The following ALPK1 variants were observed in gnomAD, a reference collection of about 807,000 sequenced individuals.
ALPK1 encodes alpha-protein kinase 1.
Under a neutral mutation model 120.6 loss-of-function variants are expected in ALPK1, and 110 were observed. The ratio of observed to expected loss-of-function variants is 0.91; its 90% CI spans 0.78 to 1.07. The LOEUF is 1.07. Ranked by LOEUF, ALPK1 falls within the 50% of genes least tolerant of loss-of-function variation. The probability of loss-of-function intolerance (pLI) is 0.00; values close to 1 mark genes in which losing one functional copy is unlikely to be tolerated. For synonymous variants in ALPK1, 582 were observed against 560.3 expected, an observed-to-expected ratio of 1.04 and a Z score of -0.55; for missense variants, 1,498 against 1,483.9, an observed-to-expected ratio of 1.01 and a Z score of -0.16.
intron 5 of ALPK1, among the ~76,000 whole-genome samples, chr4:112,421,295 A>C (rs1733980568): frequency 6.6e-6 from 1 of 152,172 alleles, no homozygotes; most frequent in Admixed American, 6.5e-5. Flanking sequence ...AATTAGAAAA[A>C]AAATGCCTAC....
chr4:112,437,119 C>T (rs1734819127), intron 12 of ALPK1, among the ~76,000 whole-genome samples: 1 of 152,034 alleles, frequency 6.6e-6, no homozygotes, highest in Admixed American at 6.6e-5. Flanking sequence ...ACTCCAAACA[C>T]TAAGGACAAA....
chr4:112,426,744 A>G (rs1048099626), intron 8 of ALPK1, among the ~76,000 whole-genome samples: 3 of 152,178 alleles, frequency 2.0e-5, no homozygotes, highest in Non-Finnish European at 4.4e-5. Context: ...CTCTTGGTGC[A>G]TAGATGGTGT....
chr4:112,324,341 G>GA (rs777084589), intron 2 of ALPK1, among the ~76,000 whole-genome samples: 28 of 144,150 alleles, frequency 1.9e-4, no homozygotes, highest in African/African-American at 4.8e-4. Flanking sequence ...AAAAAAAAAA[G>GA]AAAAAAAAAA....
intron 1 of ALPK1, among the ~76,000 whole-genome samples, chr4:112,305,345 T>C (rs1727993151): frequency 2.0e-5 from 3 of 151,212 alleles, no homozygotes; most frequent in Admixed American, 2.0e-4. Context: ...TTGGGCAGTA[T>C]GGCCATTTTC....
rs528411749 is a variant in ALPK1 at position 112,378,854 on chromosome 4, T to G, written c.121+956T>G. ...ACAAGGGCACTATGGAAGTCTTAAT[T>G]ATTTGTAACCTGTCATTTGTCCTCC... On this transcript the variant is annotated intron_variant, in intron 3 of 15. Coordinates refer to ENST00000650871, the MANE Select transcript of ALPK1 (RefSeq NM_025144.4). 2.6e-5 allele frequency among the ~76,000 whole-genome samples: 4 copies of G among 152,316 alleles called. No individual in the cohort carries two copies. In the East Asian group the frequency reaches 7.7e-4, roughly 29 times the overall value.
chr4:112,411,687 G>A, intron 4 of ALPK1, 140 bp from the exon 5 acceptor site: 1 of 751,874 alleles, frequency 1.3e-6, no homozygotes, highest in South Asian at 1.8e-5. Flanking sequence ...CTTTCTTTCG[G>A]TTCAGCTGCC....
At chr4:112,357,727 T>C in intron 2 of ALPK1, 1 of 1,478,020 alleles carries the variant, frequency 6.8e-7, no homozygotes, top group Non-Finnish European at 9.5e-7. Flanking sequence ...TTCCAAGGAG[T>C]GCTTGTCCTC....
At chr4:112,382,356 T>C (rs1731958464) in intron 3 of ALPK1, 42 bp from the exon 4 acceptor site, 1 of 1,602,742 alleles carries the variant, frequency 6.2e-7, no homozygotes. Context: ...AACAGCCTTT[T>C]CTTTGACTGC....
At chr4:112,341,653 C>T (rs1445590196) in intron 2 of ALPK1, among the ~76,000 whole-genome samples, 1 of 152,082 alleles carries the variant, frequency 6.6e-6, no homozygotes, top group Non-Finnish European at 1.5e-5. Flanking sequence ...TAGTGTTGGG[C>T]AAAGCCTAAG....
intron 5 of ALPK1, among the ~76,000 whole-genome samples, chr4:112,420,034 C>T (rs1733921956): frequency 6.6e-6 from 1 of 152,120 alleles, no homozygotes; most frequent in Non-Finnish European, 1.5e-5. Flanking sequence ...TAGCACAGTC[C>T]CTGGCACAAT....
intron 2 of ALPK1, chr4:112,357,171 T>C: frequency 6.5e-7 from 1 of 1,536,222 alleles, no homozygotes; most frequent in Non-Finnish European, 8.9e-7. Context: ...GGGAGCTACA[T>C]CTTTGAGCTG....
Position 112,387,901 on chromosome 4 carries a change from A to T in ALPK1, c.276+5349A>T, listed in dbSNP as rs543947951. Among the ~76,000 whole-genome samples the T allele has an allele frequency of 6.6e-5, 10 of 152,268 alleles. No individual in the cohort carries two copies. The East Asian group carries it at 1.9e-3, about 29-fold the overall frequency. ...CCAAGTACTAAGCCTAGTACCCATTAGTTATTTTTCCTGATACTCTCTCTC... is the reference window on the plus strand; with the variant it reads ...CCAAGTACTAAGCCTAGTACCCATTTGTTATTTTTCCTGATACTCTCTCTC... On this transcript the variant is annotated intron_variant, in intron 4 of 15. Coordinates refer to ENST00000650871, the MANE Select transcript of ALPK1 (RefSeq NM_025144.4).
intron 3 of ALPK1, among the ~76,000 whole-genome samples, chr4:112,378,857 T>G (rs1438299751): frequency 6.6e-6 from 1 of 152,204 alleles, no homozygotes; most frequent in Non-Finnish European, 1.5e-5. Context: ...TCTTAATTAT[T>G]TGTAACCTGT....
rs1735015257 is a variant in ALPK1, at chr4:112,440,968, T to C, written c.3590T>C (p.Ile1197Thr). Residue 1197 changes from isoleucine to threonine, a missense_variant, in exon 15 of 16, where the codon ATT becomes ACT. Physicochemically the swap from Ile to Thr is moderately conservative, Grantham distance 89. Coordinates refer to ENST00000650871, the MANE Select transcript of ALPK1 (RefSeq NM_025144.4). ...CTCATCTACCTCACAGATCCCCAGA[T>C]TCACTCCGTTGATCAGAAAGTTTTC... is the stretch of plus-strand genomic sequence containing the variant. ...KGLIYLTDPQ[I>T]HSVDQKVFTT... 1 of 1,613,920 alleles carries C rather than the reference T, an allele frequency of 6.2e-7. No individual in the cohort carries two copies.
At chr4:112,374,949 G>C (rs1176264889) in intron 2 of ALPK1, among the ~76,000 whole-genome samples, 1 of 152,114 alleles carries the variant, frequency 6.6e-6, no homozygotes, top group Non-Finnish European at 1.5e-5. Flanking sequence ...AATTCTTAAG[G>C]GTCTTAGGGT....
intron 2 of ALPK1, among the ~76,000 whole-genome samples, chr4:112,370,767 T>C (rs574441988): frequency 6.6e-6 from 1 of 152,336 alleles, no homozygotes; most frequent in East Asian, 1.9e-4. Flanking sequence ...GGGAAAATGC[T>C]GTGACTTTCA....
intron 4 of ALPK1, among the ~76,000 whole-genome samples, chr4:112,405,053 T>C (rs1460812484): frequency 6.6e-6 from 1 of 152,182 alleles, no homozygotes; most frequent in Non-Finnish European, 1.5e-5. Context: ...TTTGGGTGGT[T>C]TCTTTCCATG....
chr4:112,352,250 G>A (rs1730395043), intron 2 of ALPK1, among the ~76,000 whole-genome samples: 1 of 152,170 alleles, frequency 6.6e-6, no homozygotes, highest in Non-Finnish European at 1.5e-5. Flanking sequence ...AATACCCAAA[G>A]ACCAAGCCAT....
At position 112,392,940 on chromosome 4, in the gene ALPK1, C is replaced by T. The variant is rs193191303; in HGVS notation, c.276+10388C>T. Among the ~76,000 whole-genome samples, 20 of 152,288 alleles carry T rather than the reference C, an allele frequency of 1.3e-4. No homozygotes were observed. The East Asian group carries it at 1.5e-3, about 12-fold the overall frequency. The stretch of plus-strand genomic sequence containing the variant: ...ACAGATTTAAAAACAAACAAACAAA[C>T]GCTCAGGGGCTGAAAGCAAAGAAGG... On this transcript the variant is annotated intron_variant, in intron 4 of 15. Transcript: ENST00000650871.
Sources: allele counts gnomAD v4.1 joint callset (sites outside exome capture counted in the v4.1 genomes callset), GRCh38; gene constraint gnomAD v4.1.1; transcripts MANE v1.5; gene names NCBI Gene and HGNC (gene_info 2026-07-23, HGNC 2026-07-21).